The following SLC9A8 variants were observed in gnomAD, a reference collection of about 807,000 sequenced individuals.
SLC9A8 encodes sodium/hydrogen exchanger 8.
Under a neutral mutation model 66.6 loss-of-function variants are expected in SLC9A8, and 48 were observed. The observed-to-expected ratio is 0.72, with a 90% CI of 0.57 to 0.92. The LOEUF is 0.92. Ranked by LOEUF, SLC9A8 falls within the 40% of genes least tolerant of loss-of-function variation. The pLI, the probability that SLC9A8 is intolerant of heterozygous loss-of-function variation, is 0.00. For synonymous variants in SLC9A8, 274 were observed against 282.6 expected (o/e 0.97, Z 0.31); for missense variants, 599 against 747.3 (o/e 0.80, Z 2.31).
chr20:49,862,837 T>C, intron 8 of SLC9A8, 92 bp from the exon 9 acceptor site: 1 of 811,256 alleles, frequency 1.2e-6, no homozygotes, highest in Non-Finnish European at 1.9e-6. Context: ...AATGAATGAA[T>C]GAGCGAATAA....
chr20:49,879,161 T>C (rs2089537646), intron 12 of SLC9A8, among the ~76,000 whole-genome samples: 1 of 152,148 alleles, frequency 6.6e-6, no homozygotes, highest in Non-Finnish European at 1.5e-5. Flanking sequence ...AGCCACAGGT[T>C]GGGAGGAAAA....
At chr20:49,834,212 T>TACACACAC (rs1457307255) in intron 3 of SLC9A8, among the ~76,000 whole-genome samples, 1 of 119,476 alleles carries the variant, frequency 8.4e-6, no homozygotes, top group African/African-American at 3.7e-5. Flanking sequence ...TATATATATA[T>TACACACAC]ATACACACAC....
intron 1 of SLC9A8, 66 bp from the exon 2 acceptor site, chr20:49,814,942 G>A (rs566704926): frequency 1.3e-5 from 17 of 1,272,146 alleles, no homozygotes; most frequent in Non-Finnish European, 1.7e-5. Flanking sequence ...TTTCTGGTGT[G>A]AGGTGTGTGA....
At chr20:49,817,888 G>A (rs984895792) in intron 2 of SLC9A8, among the ~76,000 whole-genome samples, 3 of 152,002 alleles carry the variant, frequency 2.0e-5, no homozygotes, top group South Asian at 2.1e-4. Flanking sequence ...GATAGTAGTC[G>A]AAGACAAAGA....
At chr20:49,818,223 C>G (rs954372053) in intron 2 of SLC9A8, among the ~76,000 whole-genome samples, 8 of 152,148 alleles carry the variant, frequency 5.3e-5, no homozygotes, top group Non-Finnish European at 8.8e-5. Flanking sequence ...GCCAGAAAGG[C>G]TGAACTTGCT....
At chr20:49,852,516 T>C (rs1425759252) in intron 7 of SLC9A8, among the ~76,000 whole-genome samples, 8 of 152,336 alleles carry the variant, frequency 5.3e-5, no homozygotes, top group South Asian at 2.1e-4. Flanking sequence ...TGGAGAGAGA[T>C]TTCACTCTTA....
At chr20:49,851,668 G>C (rs201459607) in intron 7 of SLC9A8, among the ~76,000 whole-genome samples, 1 of 152,166 alleles carries the variant, frequency 6.6e-6, no homozygotes, top group Non-Finnish European at 1.5e-5. Flanking sequence ...TGGGAACTGT[G>C]TCTCTGATAA....
intron 3 of SLC9A8, chr20:49,830,813 T>A: frequency 7.8e-7 from 1 of 1,289,634 alleles, no homozygotes; most frequent in Non-Finnish European, 1.1e-6. Flanking sequence ...AGGTGACAGA[T>A]CAGGCCCAGC....
At chr20:49,856,210 C>T (rs536057562) in intron 8 of SLC9A8, among the ~76,000 whole-genome samples, 8 of 152,172 alleles carry the variant, frequency 5.3e-5, no homozygotes, top group African/African-American at 1.7e-4. Context: ...GCTTCTGATT[C>T]ATTTGGTCTG....
intron 8 of SLC9A8, among the ~76,000 whole-genome samples, chr20:49,860,117 G>A (rs565126060): frequency 6.6e-6 from 1 of 152,274 alleles, no homozygotes; most frequent in African/African-American, 2.4e-5. Context: ...TGTGTGACCT[G>A]CAGATCCATT....
At chr20:49,845,177 C>T in intron 5 of SLC9A8, 58 bp downstream of exon 5, 1 of 1,264,748 alleles carries the variant, frequency 7.9e-7, no homozygotes, top group Non-Finnish European at 1.2e-6. Flanking sequence ...GTTTGTAAGG[C>T]AAGTTCCTTA....
At chr20:49,873,032 C>T (rs989544348) in intron 10 of SLC9A8, among the ~76,000 whole-genome samples, 1 of 152,076 alleles carries the variant, frequency 6.6e-6, no homozygotes, top group Non-Finnish European at 1.5e-5. Context: ...GGGCAGCGGA[C>T]GAATGTCGAG....
At chr20:49,855,187 G>A (rs1316866922) in intron 7 of SLC9A8, among the ~76,000 whole-genome samples, 1 of 152,112 alleles carries the variant, frequency 6.6e-6, no homozygotes, top group Non-Finnish European at 1.5e-5. Context: ...TCCATCATTG[G>A]TCAAAGTCAA....
chr20:49,877,243 G>A (rs1489867339), intron 11 of SLC9A8, among the ~76,000 whole-genome samples: 1 of 151,972 alleles, frequency 6.6e-6, no homozygotes, highest in Admixed American at 6.6e-5. Flanking sequence ...GCAGTGAGCC[G>A]AGATCGTGCC....
At chr20:49,838,873 T>C (rs868712152) in intron 3 of SLC9A8, among the ~76,000 whole-genome samples, 2 of 152,158 alleles carry the variant, frequency 1.3e-5, no homozygotes, top group Admixed American at 6.5e-5. Context: ...GTTCCCATGG[T>C]GATTCTGGTG....
intron 14 of SLC9A8, among the ~76,000 whole-genome samples, chr20:49,885,929 A>T (rs1391459855): frequency 6.6e-6 from 1 of 152,240 alleles, no homozygotes; most frequent in Non-Finnish European, 1.5e-5. Context: ...TCCCAAGCCC[A>T]TTCAGACCTA....
intron 8 of SLC9A8, among the ~76,000 whole-genome samples, chr20:49,857,586 C>T (rs781587213): frequency 4.6e-5 from 7 of 152,112 alleles, no homozygotes; most frequent in Non-Finnish European, 7.4e-5. Flanking sequence ...GGTGTGGTGG[C>T]GCACGCCTGT....
At chr20:49,835,538 C>T (rs900121009) in intron 3 of SLC9A8, among the ~76,000 whole-genome samples, 1 of 152,108 alleles carries the variant, frequency 6.6e-6, no homozygotes, top group Non-Finnish European at 1.5e-5. Flanking sequence ...CTCCCATCCC[C>T]TGGAAACCAC....
chr20:49,864,643 T>A (rs1642376059), intron 9 of SLC9A8, 96 bp from the exon 10 acceptor site: 1 of 803,592 alleles, frequency 1.2e-6, no homozygotes, highest in East Asian at 2.5e-5. Flanking sequence ...ATATCTGTTG[T>A]TTACTTCATA....
Sources: gnomAD v4.1 joint callset for allele counts (sites outside exome capture counted in the v4.1 genomes callset) on GRCh38, gnomAD v4.1.1 for gene constraint, MANE v1.5 for transcripts, NCBI Gene and HGNC (gene_info 2026-07-23, HGNC 2026-07-21) for gene names.